TMEM184C: variants seen among roughly 807,000 people sequenced by gnomAD.
TMEM184C encodes the protein transmembrane protein 34.
Under a neutral mutation model 54.5 loss-of-function variants are expected in TMEM184C, and 25 were observed. The ratio of observed to expected loss-of-function variants is 0.46; its 90% confidence interval spans 0.33 to 0.64. The LOEUF is 0.64. TMEM184C is among the 30% of genes least tolerant of loss of function. The probability of loss-of-function intolerance (pLI) is 0.02; values close to 1 mark genes in which losing one functional copy is unlikely to be tolerated. For missense variants in TMEM184C, 335 were observed against 520.3 expected, an observed-to-expected ratio of 0.64 and a Z score of 3.46; for synonymous variants, 148 against 181.5, an observed-to-expected ratio of 0.82 and a Z score of 1.49.
intron 6 of TMEM184C, 99 bp from the exon 7 acceptor site, chr4:147,631,294 C>A: frequency 1.2e-6 from 1 of 866,992 alleles, no homozygotes. Flanking sequence ...AAAAGTTTGC[C>A]TGAAACATTA....
At position 147,634,410 on chromosome 4, in the gene TMEM184C, T is replaced by G. The variant is rs756946673; in HGVS notation, c.1293T>G (p.Pro431=). The G allele has an allele frequency of 3.7e-6, 6 of 1,613,972 alleles. No individual in the cohort carries two copies. The Admixed American group carries it at 1.0e-4, about 27-fold the overall frequency. The change falls in exon 10 of 10, where the codon CCT becomes CCG. Residue 431 remains proline, a synonymous_variant. Transcript: ENST00000296582. ...LSDTIGEKKE[P]SDKSVDS Reference sequence around the variant, plus strand: ...ATACTATAGGAGAGAAAAAAGAACCTTCAGATAAATCCGTGGATTCCTGAA... The same window carrying G: ...ATACTATAGGAGAGAAAAAAGAACCGTCAGATAAATCCGTGGATTCCTGAA...
intron 1 of TMEM184C, among the ~76,000 whole-genome samples, chr4:147,618,675 T>C (rs1420351044): frequency 1.3e-5 from 2 of 152,016 alleles, no homozygotes; most frequent in African/African-American, 4.8e-5. Context: ...AAATTCGGAG[T>C]TAATAAAACC....
intron 1 of TMEM184C, among the ~76,000 whole-genome samples, chr4:147,621,124 A>T (rs1186402159): frequency 2.6e-5 from 4 of 152,096 alleles, no homozygotes; most frequent in African/African-American, 9.7e-5. Flanking sequence ...GACCATGTAT[A>T]CCTGAAGTGA....
chr4:147,634,253 C>CGT lies in TMEM184C; in HGVS notation c.1136_1137insGT (p.Ser380TyrfsTer27). ...GAACATACAAGTTTATTATCATCATCATCACAAGATGCAATTTCCATTGCT... is the reference window on the plus strand; with the variant it reads ...GAACATACAAGTTTATTATCATCATCGTATCACAAGATGCAATTTCCATTGCT... On this transcript the variant is annotated frameshift_variant, in exon 10 of 10. Transcript: ENST00000296582. LOFTEE classifies it high-confidence loss of function. 6.2e-7 allele frequency: 1 copy of CGT among 1,614,180 alleles called. No individual in the cohort carries two copies. Among genetic ancestry groups the CGT allele is most frequent in the Non-Finnish European group, 8.5e-7 (1 of 1,180,018 alleles).
chr4:147,627,097 G>A (rs995542679), intron 4 of TMEM184C, among the ~76,000 whole-genome samples: 1 of 152,160 alleles, frequency 6.6e-6, no homozygotes, highest in Non-Finnish European at 1.5e-5. Context: ...ATATCAAAGG[G>A]GGCTGGGGAA....
intron 4 of TMEM184C, among the ~76,000 whole-genome samples, chr4:147,627,542 T>C (rs1732837141): frequency 6.6e-6 from 1 of 152,192 alleles, no homozygotes; most frequent in African/African-American, 2.4e-5. Flanking sequence ...AGTGCTGGGA[T>C]TACAGGCGTG....
chr4:147,628,553 T>TA lies in TMEM184C; in HGVS notation c.572+127dup, dbSNP rs559371437. Reference sequence around the variant, plus strand: ...TTTATAATGCAGGTCTAGTCTGTTGTAAAAAAAAACACTGTATAGAAACTC... The same window carrying TA: ...TTTATAATGCAGGTCTAGTCTGTTGTAAAAAAAAAACACTGTATAGAAACTC... On this transcript the variant is annotated intron_variant, in intron 5 of 9. Coordinates refer to ENST00000296582, the MANE Select transcript of TMEM184C (RefSeq NM_018241.3). 922 of 787,214 alleles carry TA rather than the reference T, an allele frequency of 1.2e-3. 2 individuals are homozygous for TA. The highest frequency in any genetic ancestry group is 2.1e-3 in the South Asian group (114 of 55,228). The allele number at this position is 787,214 out of a possible 1,614,324, so 48.8% of individuals were successfully genotyped here.
intron 1 of TMEM184C, among the ~76,000 whole-genome samples, chr4:147,621,827 C>CA (rs1732715033): frequency 6.6e-6 from 1 of 152,074 alleles, no homozygotes; most frequent in South Asian, 2.1e-4. Context: ...GTTTAAAAAA[C>CA]AAAAACAACT....
intron 5 of TMEM184C, 135 bp downstream of exon 5, chr4:147,628,570 T>C (rs1260688322): frequency 2.9e-6 from 2 of 689,798 alleles, no homozygotes; most frequent in Non-Finnish European, 4.8e-6. Context: ...AAACACTGTA[T>C]AGAAACTCAC....
chr4:147,631,563 A>G (rs547978728), intron 7 of TMEM184C, 58 bp downstream of exon 7: 5 of 1,258,808 alleles, frequency 4.0e-6, no homozygotes, highest in African/African-American at 3.0e-5. Context: ...AAAACCGTTG[A>G]TTAAGGAGGA....
In TMEM184C at chr4:147,633,895, C is replaced by G; in HGVS notation, c.1010C>G (p.Ser337Ter). 6.2e-7 allele frequency: 1 copy of G among 1,613,832 alleles called. No homozygotes were observed. The highest frequency in any genetic ancestry group is 8.5e-7 in the Non-Finnish European group (1 of 1,179,970). ...FDSFLAMWDV[S>*]DIRDDISEQV... ...TCCTTTCTTGCCATGTGGGATGTCT[C>G]AGATATTAGAGATGATATTTCTGAA... Residue 337 changes from serine (S) to a stop codon, truncating the protein, a stop_gained, in exon 9 of 10, where the codon TCA becomes TGA. Transcript: ENST00000296582. LOFTEE classifies it high-confidence loss of function.
At chr4:147,631,967 G>A (rs1001667848) in intron 7 of TMEM184C, among the ~76,000 whole-genome samples, 6 of 152,098 alleles carry the variant, frequency 3.9e-5, no homozygotes, top group Non-Finnish European at 8.8e-5. Flanking sequence ...ATCACCTGAG[G>A]TTGGGAGTTC....
intron 5 of TMEM184C, among the ~76,000 whole-genome samples, chr4:147,629,124 A>G (rs565532461): frequency 1.3e-5 from 2 of 152,274 alleles, no homozygotes; most frequent in East Asian, 3.9e-4. Flanking sequence ...GGGTAAGATT[A>G]TAACAATACT....
At chr4:147,629,501 C>A in intron 5 of TMEM184C, 98 bp from the exon 6 acceptor site, 1 of 847,684 alleles carries the variant, frequency 1.2e-6, no homozygotes, top group South Asian at 1.8e-5. Flanking sequence ...TCAGTGAGAT[C>A]TCAAATAAAC....
intron 1 of TMEM184C, 95 bp from the exon 2 acceptor site, chr4:147,623,739 A>AC (rs1362942844): frequency 3.2e-6 from 4 of 1,255,252 alleles, no homozygotes; most frequent in Non-Finnish European, 3.4e-6. Flanking sequence ...CGGCCTCCCC[A>AC]AGTGCTAGGA....
chr4:147,626,114 A>G (rs1449304841), intron 4 of TMEM184C, among the ~76,000 whole-genome samples: 1 of 152,166 alleles, frequency 6.6e-6, no homozygotes. Context: ...GGTCTGCAAA[A>G]TATCACAAGC....
intron 1 of TMEM184C, among the ~76,000 whole-genome samples, chr4:147,622,052 A>C (rs1290375083): frequency 1.5e-4 from 22 of 147,042 alleles, no homozygotes; most frequent in Non-Finnish European, 1.5e-5. Context: ...TGGCGCGGTC[A>C]TGGCTCACTG....
intron 3 of TMEM184C, among the ~76,000 whole-genome samples, chr4:147,624,425 T>C (rs996986040): frequency 4.0e-5 from 6 of 151,718 alleles, no homozygotes; most frequent in Non-Finnish European, 8.8e-5. Context: ...CCCCAGTGGA[T>C]ACACATGAAA....
chr4:147,630,018 T>C (rs1578860953), intron 6 of TMEM184C, among the ~76,000 whole-genome samples: 1 of 150,824 alleles, frequency 6.6e-6, no homozygotes, highest in South Asian at 2.1e-4. Context: ...AAAAAAAAAA[T>C]ACACACACAC....
Sources: allele counts gnomAD v4.1 joint callset (sites outside exome capture counted in the v4.1 genomes callset), GRCh38; gene constraint gnomAD v4.1.1; transcripts MANE v1.5; gene names NCBI Gene and HGNC (gene_info 2026-07-23, HGNC 2026-07-21).